The following MFHAS1 variants were observed in gnomAD, a reference collection of about 807,000 sequenced individuals.
The protein encoded by MFHAS1 is multifunctional ROCO family signaling regulator 1.
A neutral mutation model predicts 70.4 loss-of-function variants in MFHAS1; 50 were observed. That is an observed-to-expected ratio of 0.71 (90% confidence interval 0.57 to 0.90). The LOEUF is 0.90. Ranked by LOEUF, MFHAS1 falls within the 40% of genes least tolerant of loss-of-function variation. The pLI is 0.00. For missense variants in MFHAS1, 1,795 were observed against 1,347.6 expected (o/e 1.33, Z -5.20); for synonymous variants, 952 against 620.0 (o/e 1.54, Z -7.96).
At chr8:8,823,356 C>T (rs4840364) in intron 1 of MFHAS1, among the ~76,000 whole-genome samples, 2 of 151,956 alleles carry the variant, frequency 1.3e-5, no homozygotes, top group Non-Finnish European at 2.9e-5. Flanking sequence ...GGCATCGCTG[C>T]CAGAACAAAA....
chr8:8,890,558 T>G lies in MFHAS1; in HGVS notation c.2501A>C (p.Asn834Thr). The G allele has an allele frequency of 6.2e-7, 1 of 1,613,568 alleles. No individual in the cohort carries two copies. The highest frequency in any genetic ancestry group is 8.5e-7 in the Non-Finnish European group (1 of 1,180,050). The change falls in exon 1 of 3, where the codon AAT (asparagine) becomes ACT (threonine). Residue 834 changes from asparagine (N) to threonine (T), a missense_variant. Asn to Thr is a moderately conservative substitution (Grantham distance 65). Coordinates refer to ENST00000276282, the MANE Select transcript of MFHAS1 (RefSeq NM_004225.3). ...ATTCAAAGGCTTGCCCTTGGGTTTA[T>G]TGAGGCAGTAACAGAGTCCCATCTT... ...LEKMGLCYCLNKPKGKPLNGS... is the reference protein window; with the variant it reads ...LEKMGLCYCLTKPKGKPLNGS...
chr8:8,835,745 C>T (rs1044329041), intron 1 of MFHAS1, among the ~76,000 whole-genome samples: 9 of 152,180 alleles, frequency 5.9e-5, no homozygotes, highest in Non-Finnish European at 1.2e-4. Context: ...CATTATACTA[C>T]GTAGAAGAGT....
intron 1 of MFHAS1, among the ~76,000 whole-genome samples, chr8:8,837,076 A>G (rs1273385208): frequency 6.6e-6 from 1 of 152,222 alleles, no homozygotes; most frequent in African/African-American, 2.4e-5. Flanking sequence ...GCAAAACATA[A>G]TAACTAGGCT....
chr8:8,805,911 T>C (rs546434393), intron 1 of MFHAS1, among the ~76,000 whole-genome samples: 1 of 152,326 alleles, frequency 6.6e-6, no homozygotes, highest in South Asian at 2.1e-4. Flanking sequence ...TTGGCCAGAC[T>C]GGTCTCTAAC....
rs1442559929 is a variant in MFHAS1, at chr8:8,798,062, A to C, written c.2999-571T>G. Reference sequence around the variant, plus strand: ...GTGTGAAGCAGATGCACGACACAACACTATCTAACGAGTCTAGCAAAAACA... The same window carrying C: ...GTGTGAAGCAGATGCACGACACAACCCTATCTAACGAGTCTAGCAAAAACA... On this transcript the variant is annotated intron_variant, in intron 1 of 2. Transcript: ENST00000276282. 3.3e-5 allele frequency among the ~76,000 whole-genome samples: 5 copies of C among 152,200 alleles called. 1 individual carries two copies. The highest frequency in any genetic ancestry group is 2.0e-4 in the Admixed American group (3 of 15,284).
At chr8:8,808,470 G>T (rs564671006) in intron 1 of MFHAS1, among the ~76,000 whole-genome samples, 1 of 152,192 alleles carries the variant, frequency 6.6e-6, no homozygotes, top group Non-Finnish European at 1.5e-5. Flanking sequence ...AAGTGTAAGA[G>T]TAGTGATGCT....
intron 1 of MFHAS1, among the ~76,000 whole-genome samples, chr8:8,888,957 T>C (rs1421659460): frequency 1.4e-5 from 2 of 145,828 alleles, no homozygotes; most frequent in Non-Finnish European, 3.0e-5. Flanking sequence ...AGGGGATATA[T>C]GGGAAATCTC....
intron 1 of MFHAS1, among the ~76,000 whole-genome samples, chr8:8,846,846 C>G (rs1808055527): frequency 6.6e-6 from 1 of 152,148 alleles, no homozygotes; most frequent in Admixed American, 6.5e-5. Flanking sequence ...ATCATTCTGT[C>G]TCTCATCACA....
At chr8:8,844,660 G>A (rs552412306) in intron 1 of MFHAS1, among the ~76,000 whole-genome samples, 9 of 152,216 alleles carry the variant, frequency 5.9e-5, no homozygotes, top group Non-Finnish European at 1.2e-4. Flanking sequence ...CATCTCTCAT[G>A]CACCACCCAT....
At chr8:8,871,427 G>A (rs1052751331) in intron 1 of MFHAS1, among the ~76,000 whole-genome samples, 2 of 152,164 alleles carry the variant, frequency 1.3e-5, no homozygotes, top group Non-Finnish European at 2.9e-5. Flanking sequence ...GCACATGCCT[G>A]TAATCCCTGC....
chr8:8,805,166 C>G (rs889605653), intron 1 of MFHAS1, among the ~76,000 whole-genome samples: 2 of 152,110 alleles, frequency 1.3e-5, no homozygotes, highest in Non-Finnish European at 2.9e-5. Flanking sequence ...GGGGAAAAAA[C>G]TGCTACTATT....
At chr8:8,818,186 TAA>T (rs945823515) in intron 1 of MFHAS1, among the ~76,000 whole-genome samples, 1 of 138,392 alleles carries the variant, frequency 7.2e-6, no homozygotes, top group Non-Finnish European at 1.7e-5. Flanking sequence ...TCTTCTCCTT[TAA>T]AGTCAGTAGA....
At chr8:8,877,910 G>C (rs57563364) in intron 1 of MFHAS1, among the ~76,000 whole-genome samples, 1 of 152,234 alleles carries the variant, frequency 6.6e-6, no homozygotes, top group South Asian at 2.1e-4. Flanking sequence ...AATGCAAAAC[G>C]CATCTGTGCC....
At chr8:8,854,411 C>A (rs1457110395) in intron 1 of MFHAS1, among the ~76,000 whole-genome samples, 1 of 152,142 alleles carries the variant, frequency 6.6e-6, no homozygotes, top group African/African-American at 2.4e-5. Flanking sequence ...GTCCCAGCTA[C>A]TCCGGAGGCT....
chr8:8,809,849 T>C (rs936663615), intron 1 of MFHAS1, among the ~76,000 whole-genome samples: 8 of 152,230 alleles, frequency 5.3e-5, no homozygotes, highest in Admixed American at 2.6e-4. Context: ...TGATAGCCTG[T>C]CACCTACTTC....
At chr8:8,809,404 G>A (rs1193575806) in intron 1 of MFHAS1, among the ~76,000 whole-genome samples, 1 of 152,002 alleles carries the variant, frequency 6.6e-6, no homozygotes, top group Non-Finnish European at 1.5e-5. Context: ...GCTCTACAAT[G>A]GCCCGACATG....
At chr8:8,800,532 T>C (rs1330397545) in intron 1 of MFHAS1, among the ~76,000 whole-genome samples, 1 of 152,170 alleles carries the variant, frequency 6.6e-6, no homozygotes, top group Non-Finnish European at 1.5e-5. Flanking sequence ...GCTGCAGGTC[T>C]GTAAACCAAC....
In MFHAS1 at chr8:8,793,747, A is replaced by C. The variant is rs537569353; in HGVS notation, c.3125+3618T>G. On this transcript the variant is annotated intron_variant, in intron 2 of 2. Transcript: ENST00000276282. ...GTCCTAAGGCCCCACTGGCCAGGGA[A>C]CCCACCCTTAGAGGCATGGACTGGA... is the stretch of plus-strand genomic sequence containing the variant. 5.3e-5 allele frequency among the ~76,000 whole-genome samples: 8 copies of C among 152,312 alleles called. No homozygotes were observed. In the East Asian group the frequency reaches 1.5e-3, roughly 29 times the overall value.
intron 1 of MFHAS1, among the ~76,000 whole-genome samples, chr8:8,804,370 T>C (rs892755791): frequency 2.8e-4 from 43 of 152,208 alleles, no homozygotes; most frequent in Non-Finnish European, 2.2e-4. Flanking sequence ...GGTTTTGATA[T>C]TGAATGCTGA....
Sources: allele counts gnomAD v4.1 joint callset (sites outside exome capture counted in the v4.1 genomes callset), GRCh38; gene constraint gnomAD v4.1.1; transcripts MANE v1.5; gene names NCBI Gene and HGNC (gene_info 2026-07-23, HGNC 2026-07-21).